Variants in FASTKD3 observed in about 807,000 individuals in gnomAD.
FASTKD3 encodes the protein FAST kinase domains 3.
In FASTKD3, 47 loss-of-function variants were observed where a neutral mutation model predicts 49.7. The ratio of observed to expected loss-of-function variants is 0.95; its 90% confidence interval spans 0.75 to 1.21. The LOEUF (loss-of-function observed/expected upper bound fraction) is 1.21. Among genes scored for constraint, FASTKD3 ranks in the 50% most tolerant of loss-of-function variants. The pLI, the probability that FASTKD3 is intolerant of heterozygous loss-of-function variation, is 0.00. For missense variants in FASTKD3, 748 were observed against 765.7 expected, an observed-to-expected ratio of 0.98 and a Z score of 0.27; for synonymous variants, 284 against 288.6, an observed-to-expected ratio of 0.98 and a Z score of 0.16.
rs746879520 is a variant in FASTKD3 at position 7,867,336 on chromosome 5, T to C, written c.748A>G (p.Thr250Ala). The C allele has an allele frequency of 1.2e-6, 2 of 1,614,050 alleles. No individual in the cohort carries two copies. Among genetic ancestry groups the C allele is most frequent in the Non-Finnish European group, 1.7e-6 (2 of 1,180,032 alleles). Residue 250 changes from threonine to alanine, a missense_variant, in exon 2 of 7, where the codon ACA becomes GCA. By Grantham distance (58) the Thr-to-Ala change is moderately conservative (BLOSUM62 0). Around this residue, in one of 3 missense-constraint regions of FASTKD3, gnomAD observed 564 missense variants for 562.8 expected, o/e 1.00. Coordinates refer to ENST00000264669, the MANE Select transcript of FASTKD3 (RefSeq NM_024091.4). The part of the protein sequence containing the change: ...INQLQGEKLE[T>A]FTPEDIVALY... ...GCCACAATATCCTCCGGGGTAAATG[T>C]TTCCAATTTTTCACCTTGAAGTTGA...
Position 7,867,853 on chromosome 5 carries a change from A to G in FASTKD3, c.231T>C (p.Gly77=). ...SKNGNDLHPL[G]GPVFSQVSDC... ...CAGATACTTGAGAGAACACTGGTCC[A>G]CCGAGTGGATGAAGGTCATTTCCAT... The change falls in exon 2 of 7, where the codon GGT becomes GGC. Residue 77 remains glycine (G), a synonymous_variant. Transcript: ENST00000264669. 6.2e-7 allele frequency: 1 copy of G among 1,614,218 alleles called. No homozygotes were observed. The highest frequency in any genetic ancestry group is 8.5e-7 in the Non-Finnish European group (1 of 1,180,036).
Position 7,861,269 on chromosome 5 carries a change from A to G in FASTKD3, c.1770-6T>C. Reference sequence around the variant, plus strand: ...CATCAATACACAGTGCTATCCTGAAAAATAAAAAAGGAGAAAAATACTTAA... The same window carrying G: ...CATCAATACACAGTGCTATCCTGAAGAATAAAAAAGGAGAAAAATACTTAA... On this transcript the variant is annotated splice_region_variant and splice_polypyrimidine_tract_variant and intron_variant, in intron 5 of 6. Transcript: ENST00000264669. 6.8e-7 allele frequency: 1 copy of G among 1,466,162 alleles called. No homozygotes were observed. The highest frequency in any genetic ancestry group is 9.2e-7 in the Non-Finnish European group (1 of 1,088,034). The allele number at this position is 1,466,162 out of a possible 1,614,324, so 90.8% of individuals were successfully genotyped here.
Position 7,867,225 on chromosome 5 carries a change from T to C in FASTKD3, c.859A>G (p.Ile287Val), listed in dbSNP as rs778634747. 3.8e-5 allele frequency: 61 copies of C among 1,613,992 alleles called. No individual in the cohort carries two copies. The highest frequency in any genetic ancestry group is 1.6e-4 in the Middle Eastern group (1 of 6,084). ...LNKINNFSLS[I>V]VSNLSPKLIS... Reference sequence around the variant, plus strand: ...AATTTAGGACTCAGGTTGGAAACTATTGATAGGGAAAAGTTGTTTATCTTA... The same window carrying C: ...AATTTAGGACTCAGGTTGGAAACTACTGATAGGGAAAAGTTGTTTATCTTA... The change falls in exon 2 of 7, where the codon ATA (isoleucine) becomes GTA (valine). Residue 287 changes from isoleucine to valine, a missense_variant. Ile to Val is a conservative substitution (Grantham distance 29). Around this residue, in one of 3 missense-constraint regions of FASTKD3, gnomAD observed 564 missense variants for 562.8 expected, o/e 1.00. Transcript: ENST00000264669.
chr5:7,859,456 A>G lies in FASTKD3; in HGVS notation c.1968T>C (p.Thr656=), dbSNP rs1324671234. 1 of 1,604,356 alleles carries G rather than the reference A, an allele frequency of 6.2e-7. No homozygotes were observed. Among genetic ancestry groups the G allele is most frequent in the African/African-American group, 1.3e-5 (1 of 74,614 alleles). The change falls in exon 7 of 7, where the codon ACT becomes ACC. Residue 656 remains threonine, a synonymous_variant. Coordinates refer to ENST00000264669, the MANE Select transcript of FASTKD3 (RefSeq NM_024091.4). ...YLQRKLFSQN[T]VHWLQE is the part of the protein sequence containing the mutation. Reference sequence around the variant, plus strand: ...GTATTCATTCTTGCAACCAATGAACAGTGTTTTGAGAAAACAGTTTTCTTT... The same window carrying G: ...GTATTCATTCTTGCAACCAATGAACGGTGTTTTGAGAAAACAGTTTTCTTT...
Position 7,862,951 on chromosome 5 carries a change from G to C in FASTKD3, c.1571C>G (p.Pro524Arg). ...CACAGGGGTCTCCAGGGAACAGCAT[G>C]GGGTAAGAAATGACTTCACTTGATA... ...PKYQVKSFLT[P>R]CCSLETPVDS... Residue 524 changes from proline to arginine, a missense_variant, in exon 4 of 7, where the codon CCA (proline) becomes CGA (arginine). Transcript: ENST00000264669. The C allele has an allele frequency of 1.9e-6, 3 of 1,613,998 alleles. No individual in the cohort carries two copies. Among genetic ancestry groups the C allele is most frequent in the East Asian group, 2.2e-5 (1 of 44,864 alleles).
At chr5:7,863,092 C>T (rs1164663168) in intron 3 of FASTKD3, 95 bp from the exon 4 acceptor site, 5 of 1,063,908 alleles carry the variant, frequency 4.7e-6, no homozygotes, top group Non-Finnish European at 7.1e-6. Context: ...TTTGATATAA[C>T]ATTACTTTAT....
chr5:7,864,659 T>C (rs1188454581), intron 3 of FASTKD3, among the ~76,000 whole-genome samples: 3 of 152,172 alleles, frequency 2.0e-5, no homozygotes, highest in Non-Finnish European at 4.4e-5. Flanking sequence ...TTAATGCTCA[T>C]TAAAATGCAA....
Position 7,868,202 on chromosome 5 carries a change from A to G in FASTKD3, c.-113-6T>C, listed in dbSNP as rs368598473. The G allele has an allele frequency of 0.024, 697 of 28,480 alleles. 2 individuals are homozygous for G. The African/African-American group carries it at 0.27, about 11-fold the overall frequency. 1.8% of individuals were successfully genotyped at this position (28,480 alleles called of 1,614,324 possible). The stretch of plus-strand genomic sequence containing the variant: ...ATGAAACTACAAACGAGTATCTGGA[A>G]AAAAAAAAAAAAAAAAAAAAAGGAT... On this transcript the variant is annotated splice_polypyrimidine_tract_variant and splice_region_variant and intron_variant, in intron 1 of 6. Coordinates refer to ENST00000264669, the MANE Select transcript of FASTKD3 (RefSeq NM_024091.4).
At chr5:7,861,369 T>G in intron 5 of FASTKD3, 106 bp from the exon 6 acceptor site, 1 of 622,712 alleles carries the variant, frequency 1.6e-6, no homozygotes, top group Non-Finnish European at 2.6e-6. Flanking sequence ...TATTACTATG[T>G]GCCAATATTA....
Position 7,868,045 on chromosome 5 carries a change from T to TAA in FASTKD3, c.37_38dup (p.Leu13PhefsTer14). ...GAGCTCTATGCATCTGAAAATCAGATAAACGATAAAGGTTCTTCCTCAAGG... is the reference window on the plus strand; with the variant it reads ...GAGCTCTATGCATCTGAAAATCAGATAAAAACGATAAAGGTTCTTCCTCAAGG... On this transcript the variant is annotated frameshift_variant, in exon 2 of 7. Transcript: ENST00000264669. LOFTEE classifies it high-confidence loss of function. The TAA allele has an allele frequency of 6.2e-7, 1 of 1,612,896 alleles. No homozygotes were observed. Among genetic ancestry groups the TAA allele is most frequent in the Non-Finnish European group, 8.5e-7 (1 of 1,179,750 alleles).
At position 7,867,214 on chromosome 5, in the gene FASTKD3, G is replaced by A. The variant is rs76873746; in HGVS notation, c.870C>T (p.Asn290=). The change falls in exon 2 of 7, where the codon AAC becomes AAT. Residue 290 remains asparagine (N), a synonymous_variant. Transcript: ENST00000264669. ...INNFSLSIVS[N]LSPKLISQML... Reference sequence around the variant, plus strand: ...TTTGGCTAATCAATTTAGGACTCAGGTTGGAAACTATTGATAGGGAAAAGT... The same window carrying A: ...TTTGGCTAATCAATTTAGGACTCAGATTGGAAACTATTGATAGGGAAAAGT... The A allele has an allele frequency of 8.9e-3, 14,295 of 1,614,132 alleles. 80 individuals carry two copies. The highest frequency in any genetic ancestry group is 0.011 in the Non-Finnish European group (13,049 of 1,180,026).
In FASTKD3 at chr5:7,862,863, A is replaced by G; in HGVS notation, c.1659T>C (p.Tyr553=). 1 of 1,613,978 alleles carries G rather than the reference A, an allele frequency of 6.2e-7. No homozygotes were observed. Among genetic ancestry groups the G allele is most frequent in the South Asian group, 1.1e-5 (1 of 91,048 alleles). ...AGGGTGTCAACACTTTTGGAGCAAAATATAATCTTGCTCCTAAAAGGTTAG... is the reference window on the plus strand; with the variant it reads ...AGGGTGTCAACACTTTTGGAGCAAAGTATAATCTTGCTCCTAAAAGGTTAG... ...GLTNLLGARL[Y]FAPKVLTPYC... Residue 553 remains tyrosine (Y), a synonymous_variant, in exon 4 of 7, where the codon TAT becomes TAC. Transcript: ENST00000264669.
In FASTKD3 at chr5:7,861,154, C is replaced by A; in HGVS notation, c.1879G>T (p.Val627Phe). The change falls in exon 6 of 7, where the codon GTT becomes TTT. Residue 627 changes from valine (V) to phenylalanine (F), a missense_variant. Physicochemically the swap from Val to Phe is conservative, Grantham distance 50. Coordinates refer to ENST00000264669, the MANE Select transcript of FASTKD3 (RefSeq NM_024091.4). ...RHLQLLGYQV[V>F]QIPYHEIGML... is the part of the protein sequence containing the mutation. ...AAAAATAGGTGAAACCGTACCTGAA[C>A]AACTTGATAACCGAGTAACTGTAGG... 1 of 1,591,606 alleles carries A rather than the reference C, an allele frequency of 6.3e-7. No individual in the cohort carries two copies. The highest frequency in any genetic ancestry group is 1.7e-4 in the Middle Eastern group (1 of 6,006).
rs376029726 is a variant in FASTKD3, at chr5:7,861,671, A to C, written c.1700-19T>G. The C allele has an allele frequency of 6.2e-7, 1 of 1,604,258 alleles. No individual in the cohort carries two copies. The highest frequency in any genetic ancestry group is 1.3e-5 in the African/African-American group (1 of 74,926). ...TCAACATCTGGTGAGAGAAGAAAGG[A>C]AAAATTCCTCGTGTGATACCCTCAC... On this transcript the variant is annotated intron_variant, in intron 4 of 6. Transcript: ENST00000264669.
In FASTKD3 at chr5:7,866,897, A is replaced by G. The variant is rs570525633; in HGVS notation, c.1187T>C (p.Phe396Ser). The part of the protein sequence containing the change: ...KPILNAVAET[F>S]VCQTEKFSPR... ...TGAAAATTTTTCTGTTTGGCAAACA[A>G]AAGTTTCTGCCACTGCATTGAGGAT... The change falls in exon 2 of 7, where the codon TTT becomes TCT. Residue 396 changes from phenylalanine (F) to serine (S), a missense_variant. By Grantham distance (155) the Phe-to-Ser change is radical. Transcript: ENST00000264669. 6.2e-7 allele frequency: 1 copy of G among 1,614,216 alleles called. No individual in the cohort carries two copies. The highest frequency in any genetic ancestry group is 1.3e-5 in the African/African-American group (1 of 75,058).
intron 2 of FASTKD3, 102 bp from the exon 3 acceptor site, chr5:7,866,085 T>A: frequency 2.4e-6 from 2 of 828,678 alleles, no homozygotes; most frequent in Non-Finnish European, 4.0e-6. Flanking sequence ...CAGACAGAAG[T>A]ATTCTATTTT....
At chr5:7,862,725 C>T in intron 4 of FASTKD3, 98 bp downstream of exon 4, 1 of 1,062,096 alleles carries the variant, frequency 9.4e-7, no homozygotes, top group Non-Finnish European at 1.4e-6. Flanking sequence ...TTCCATTTTG[C>T]ATTTCCAGAG....
intron 4 of FASTKD3, among the ~76,000 whole-genome samples, chr5:7,862,529 A>G (rs1489230338): frequency 6.6e-6 from 1 of 152,112 alleles, no homozygotes; most frequent in Non-Finnish European, 1.5e-5. Flanking sequence ...TTTTATTTAG[A>G]CCTTAAGTAA....
intron 2 of FASTKD3, among the ~76,000 whole-genome samples, chr5:7,866,433 A>G (rs539318150): frequency 6.6e-6 from 1 of 152,306 alleles, no homozygotes; most frequent in Admixed American, 6.5e-5. Context: ...ATAAGGCAAA[A>G]GTCAGTTTAT....
Sources: gnomAD v4.1 joint callset for allele counts (sites outside exome capture counted in the v4.1 genomes callset) on GRCh38, gnomAD v4.1.1 for gene constraint, gnomAD v4.1.1 regional missense constraint, MANE v1.5 for transcripts, NCBI Gene and HGNC (gene_info 2026-07-23, HGNC 2026-07-21) for gene names.